Variants in ATR observed in about 807,000 individuals in gnomAD.
ATR encodes ATR checkpoint kinase.
A neutral mutation model predicts 305.3 loss-of-function variants in ATR; 142 were observed. The ratio of observed to expected loss-of-function variants is 0.47; its 90% CI spans 0.41 to 0.53. ATR has a LOEUF of 0.53. Ranked by LOEUF, ATR falls within the 20% of genes least tolerant of loss-of-function variation. The pLI, the probability that ATR is intolerant of heterozygous loss-of-function variation, is 0.00. For missense variants in ATR, 2,135 were observed against 3,133.1 expected (o/e 0.68, Z 7.60); for synonymous variants, 1,050 against 1,068.1 (o/e 0.98, Z 0.33).
chr3:142,560,930 ACTTTAT>A (rs2034856817), intron 5 of ATR, among the ~76,000 whole-genome samples: 1 of 152,254 alleles, frequency 6.6e-6, no homozygotes, highest in African/African-American at 2.4e-5. Context: ...CAACTTAGCC[ACTTTAT>A]AAAAAATAGT....
rs750933906 is a variant in ATR, at chr3:142,466,529, T to C, written c.6692A>G (p.Asp2231Gly). Residue 2231 changes from aspartate (D) to glycine (G), a missense_variant, in exon 40 of 47, where the codon GAT (aspartate) becomes GGT (glycine). By Grantham distance (94) the Asp-to-Gly change is moderately conservative (BLOSUM62 -1). Coordinates refer to ENST00000350721, the MANE Select transcript of ATR (RefSeq NM_001184.4). ...KLLELCNKPV[D>G]GSSSTLSMST... ...CATGCTTAATGTGGAACTACTTCCA[T>C]CAACCTGAAAAAATAAATAGTGCAT... 6.2e-7 allele frequency: 1 copy of C among 1,612,718 alleles called. No homozygotes were observed. Among genetic ancestry groups the C allele is most frequent in the Non-Finnish European group, 8.5e-7 (1 of 1,179,092 alleles).
At chr3:142,459,715 A>T (rs1411114684) in intron 42 of ATR, among the ~76,000 whole-genome samples, 1 of 152,172 alleles carries the variant, frequency 6.6e-6, no homozygotes, top group Admixed American at 6.5e-5. Flanking sequence ...CTTTTCATAC[A>T]TGCAGGTTCT....
At chr3:142,515,547 A>G in intron 24 of ATR, 32 bp from the exon 25 acceptor site, 1 of 1,577,400 alleles carries the variant, frequency 6.3e-7, no homozygotes, top group Non-Finnish European at 8.7e-7. Flanking sequence ...TATTAAAAAG[A>G]TAAATCCACC....
chr3:142,517,942 T>G (rs1258057051), intron 24 of ATR, among the ~76,000 whole-genome samples: 1 of 152,200 alleles, frequency 6.6e-6, no homozygotes, highest in Admixed American at 6.5e-5. Context: ...TTCCTAACAA[T>G]AATCATACAA....
At chr3:142,548,456 G>T (rs955650020) in intron 15 of ATR, among the ~76,000 whole-genome samples, 10 of 152,124 alleles carry the variant, frequency 6.6e-5, no homozygotes, top group African/African-American at 2.4e-4. Flanking sequence ...ATCACTTGCA[G>T]CCAGGAGTTG....
At chr3:142,488,811 C>T (rs1284136328) in intron 35 of ATR, among the ~76,000 whole-genome samples, 1 of 152,150 alleles carries the variant, frequency 6.6e-6, no homozygotes, top group African/African-American at 2.4e-5. Context: ...TTGTCAATTA[C>T]CTGTTAGCAT....
chr3:142,529,719 T>C (rs957507815), intron 21 of ATR, among the ~76,000 whole-genome samples: 4 of 152,278 alleles, frequency 2.6e-5, no homozygotes, highest in African/African-American at 9.6e-5. Context: ...TTTATGACAT[T>C]TTTTGACATT....
intron 18 of ATR, among the ~76,000 whole-genome samples, chr3:142,540,362 G>A (rs1374340775): frequency 6.6e-6 from 1 of 152,004 alleles, no homozygotes; most frequent in Non-Finnish European, 1.5e-5. Context: ...AAACATCTCT[G>A]ATACATACAA....
intron 45 of ATR, among the ~76,000 whole-genome samples, chr3:142,455,753 T>C (rs1244911989): frequency 1.3e-5 from 2 of 152,184 alleles, no homozygotes; most frequent in Admixed American, 1.3e-4. Flanking sequence ...AGATAAAAGA[T>C]TTAAATAGCA....
intron 16 of ATR, among the ~76,000 whole-genome samples, chr3:142,543,860 G>A (rs1243023231): frequency 6.6e-6 from 1 of 151,810 alleles, no homozygotes; most frequent in Non-Finnish European, 1.5e-5. Flanking sequence ...TTGTAGAGAT[G>A]GAGTTTCGCC....
At chr3:142,480,465 T>A (rs2030348878) in intron 36 of ATR, among the ~76,000 whole-genome samples, 1 of 152,178 alleles carries the variant, frequency 6.6e-6, no homozygotes, top group Admixed American at 6.5e-5. Flanking sequence ...CTCAAAGGGG[T>A]ACCCGGCCGT....
At chr3:142,494,245 T>C (rs572482543) in intron 34 of ATR, among the ~76,000 whole-genome samples, 133 of 152,280 alleles carry the variant, frequency 8.7e-4, no homozygotes, top group African/African-American at 3.1e-3. Flanking sequence ...AGGACTTGAG[T>C]ATCCACAGAT....
chr3:142,566,061 C>T (rs2035061006), intron 3 of ATR, 60 bp downstream of exon 3: 1 of 1,601,174 alleles, frequency 6.2e-7, no homozygotes, highest in South Asian at 1.1e-5. Context: ...TTCAGAAGAG[C>T]AGTAAAAGGA....
Position 142,568,216 on chromosome 3 carries a change from T to C in ATR, c.60-62A>G, listed in dbSNP as rs962091438. ...GACTCAGTTTCATTTGCAAAAAAAA[T>C]TTCTCTAAAGTAGAACTCATCAAAT... On this transcript the variant is annotated intron_variant, in intron 1 of 46. Transcript: ENST00000350721. 4 of 1,357,778 alleles carry C rather than the reference T, an allele frequency of 2.9e-6. No homozygotes were observed. In the Admixed American group the frequency reaches 5.3e-5, roughly 18 times the overall value. 84.1% of individuals were successfully genotyped at this position (1,357,778 alleles called of 1,614,324 possible).
intron 42 of ATR, among the ~76,000 whole-genome samples, 160 bp from the exon 43 acceptor site, chr3:142,459,543 C>G (rs1319403327): frequency 6.6e-6 from 1 of 152,102 alleles, no homozygotes; most frequent in Non-Finnish European, 1.5e-5. Flanking sequence ...CATAAAGTTA[C>G]TGATTGTATA....
chr3:142,555,566 C>T lies in ATR; in HGVS notation c.2341+311G>A, dbSNP rs7639724. 0.016 allele frequency among the ~76,000 whole-genome samples: 2,398 copies of T among 152,238 alleles called. 66 individuals are homozygous for T. Among genetic ancestry groups the T allele is most frequent in the African/African-American group, 0.054 (2,246 of 41,536 alleles). On this transcript the variant is annotated intron_variant, in intron 10 of 46. Transcript: ENST00000350721. ...GGTTGTAACAGGGGGCACATTAAGA[C>T]GATCTCTGGTATCACTAAAGAAGAT... is the stretch of plus-strand genomic sequence containing the variant.
At chr3:142,508,569 A>G (rs935175104) in intron 27 of ATR, among the ~76,000 whole-genome samples, 3 of 152,166 alleles carry the variant, frequency 2.0e-5, no homozygotes, top group African/African-American at 7.2e-5. Context: ...TTTAGAATTC[A>G]TTGTTATCCA....
In ATR at chr3:142,457,636, C is replaced by T. The variant is rs1448144906; in HGVS notation, c.7623G>A (p.Arg2541=). Residue 2541 remains arginine, a synonymous_variant, in exon 45 of 47, where the codon AGG becomes AGA. Coordinates refer to ENST00000350721, the MANE Select transcript of ATR (RefSeq NM_001184.4). ...LFRRACEVTM[R]LMRDQREPLM... ...AAGGCTCTCGCTGATCACGCATCAGCCTCATTGTAACTTCACATGCTCTTC... is the reference window on the plus strand; with the variant it reads ...AAGGCTCTCGCTGATCACGCATCAGTCTCATTGTAACTTCACATGCTCTTC... 6.2e-7 allele frequency: 1 copy of T among 1,613,992 alleles called. No homozygotes were observed. The highest frequency in any genetic ancestry group is 1.7e-5 in the Admixed American group (1 of 60,016).
rs1038073807 is a variant in ATR, at chr3:142,512,378, T to G, written c.4734A>C (p.Thr1578=). The G allele has an allele frequency of 1.2e-6, 2 of 1,613,912 alleles. No homozygotes were observed. The highest frequency in any genetic ancestry group is 1.7e-6 in the Non-Finnish European group (2 of 1,179,818). ...GGTCAAGCATGGAGAACACAGTCTG[T>G]GTACTGAGTTGACACAGATCAGATG... ...DIASDLCQLS[T]QTVFSMLDHL... is the part of the protein sequence containing the mutation. The change falls in exon 27 of 47, where the codon ACA becomes ACC. Residue 1578 remains threonine (T), a synonymous_variant. Coordinates refer to ENST00000350721, the MANE Select transcript of ATR (RefSeq NM_001184.4).
Sources: allele counts gnomAD v4.1 joint callset (sites outside exome capture counted in the v4.1 genomes callset), GRCh38; gene constraint gnomAD v4.1.1; transcripts MANE v1.5; gene names NCBI Gene and HGNC (gene_info 2026-07-23, HGNC 2026-07-21).